TRIM41: variants seen among roughly 807,000 people sequenced by gnomAD.
TRIM41 encodes the protein tripartite motif containing 41.
A neutral mutation model predicts 60.6 loss-of-function variants in TRIM41; 21 were observed. The observed-to-expected ratio is 0.35, with a 90% confidence interval of 0.25 to 0.50. The LOEUF (loss-of-function observed/expected upper bound fraction) is 0.50, where lower values mean the gene tolerates loss of function less well. Among genes scored for constraint, TRIM41 ranks in the 20% least tolerant of loss-of-function variants. The pLI is 0.98. For missense variants in TRIM41, 846 were observed against 868.3 expected, an observed-to-expected ratio of 0.97 and a Z score of 0.32; for synonymous variants, 407 against 344.9, an observed-to-expected ratio of 1.18 and a Z score of -2.00.
rs1758418250 is a variant in TRIM41 at position 181,224,027 on chromosome 5, C to T, written c.28C>T (p.Pro10Ser). Reference sequence around the variant, plus strand: ...GGCTGCCGTTGCCATGACACCCAACCCTGTGCAGACCCTTCAGGAGGAGGC... The same window carrying T: ...GGCTGCCGTTGCCATGACACCCAACTCTGTGCAGACCCTTCAGGAGGAGGC... MAAVAMTPN[P>S]VQTLQEEAVC... Residue 10 changes from proline to serine, a missense_variant, in exon 1 of 6, where the codon CCT (proline) becomes TCT (serine). By Grantham distance (74) the Pro-to-Ser change is moderately conservative. Transcript: ENST00000315073. The T allele has an allele frequency of 1.2e-6, 2 of 1,613,972 alleles. No individual in the cohort carries two copies. Among genetic ancestry groups the T allele is most frequent in the South Asian group, 1.1e-5 (1 of 91,082 alleles).
At position 181,224,383 on chromosome 5, in the gene TRIM41, C is replaced by T. The variant is rs61758103; in HGVS notation, c.384C>T (p.Asp128=). 54,375 of 1,611,650 alleles carry T rather than the reference C, an allele frequency of 0.034. 1,062 individuals carry two copies. The highest frequency in any genetic ancestry group is 0.037 in the Non-Finnish European group (44,000 of 1,179,414). The change falls in exon 1 of 6, where the codon GAC becomes GAT. Residue 128 remains aspartate, a synonymous_variant. Transcript: ENST00000315073. ...TGGACTATGTGTGGGAGGAGGAGGACGAGGAGGAAGACCTGGACTACTACT... is the reference window on the plus strand; with the variant it reads ...TGGACTATGTGTGGGAGGAGGAGGATGAGGAGGAAGACCTGGACTACTACT... ...DNMDYVWEEE[D]EEEDLDYYLG... is the part of the protein sequence containing the mutation.
rs1758924456 is a variant in TRIM41 at position 181,233,924 on chromosome 5, C to T, written c.1291+161C>T. Reference sequence around the variant, plus strand: ...AGGTTTCAAGCCATGAGCAGGTAGACCTAGTGCAGGCAGGCCTGGAGGGTG... The same window carrying T: ...AGGTTTCAAGCCATGAGCAGGTAGATCTAGTGCAGGCAGGCCTGGAGGGTG... On this transcript the variant is annotated intron_variant, in intron 5 of 5. Coordinates refer to ENST00000315073, the MANE Select transcript of TRIM41 (RefSeq NM_033549.5). This position sits in a 1 kb window ranked among gnomAD's most constrained non-coding sequence, Gnocchi z 4.1. 3.9e-6 allele frequency: 5 copies of T among 1,288,990 alleles called. No homozygotes were observed. The highest frequency in any genetic ancestry group is 4.3e-6 in the Non-Finnish European group (4 of 923,880). 79.8% of individuals were successfully genotyped at this position (1,288,990 alleles called of 1,614,324 possible). A position where few individuals can be genotyped will look rare whatever the true frequency, so the allele number is the denominator to read the frequency against.
In TRIM41 at chr5:181,224,038, C is replaced by T. The variant is rs753378475; in HGVS notation, c.39C>T (p.Thr13=). ...AVAMTPNPVQ[T]LQEEAVCAIC... Reference sequence around the variant, plus strand: ...CCATGACACCCAACCCTGTGCAGACCCTTCAGGAGGAGGCGGTGTGCGCCA... The same window carrying T: ...CCATGACACCCAACCCTGTGCAGACTCTTCAGGAGGAGGCGGTGTGCGCCA... The change falls in exon 1 of 6, where the codon ACC becomes ACT. Residue 13 remains threonine, a synonymous_variant. Coordinates refer to ENST00000315073, the MANE Select transcript of TRIM41 (RefSeq NM_033549.5). 5.6e-6 allele frequency: 9 copies of T among 1,614,222 alleles called. No individual in the cohort carries two copies. The highest frequency in any genetic ancestry group is 5.0e-5 in the Admixed American group (3 of 60,036).
rs1758888957 is a variant in TRIM41 at position 181,233,270 on chromosome 5, C to T, written c.1141-143C>T. The stretch of plus-strand genomic sequence containing the variant: ...GGGGTGGTTGAAATGGATGTGTGTT[C>T]ATTGAGGGCCGTGAGGGTGCTGCTT... On this transcript the variant is annotated intron_variant, in intron 3 of 5. Coordinates refer to ENST00000315073, the MANE Select transcript of TRIM41 (RefSeq NM_033549.5). This position sits in a 1 kb window ranked among gnomAD's most constrained non-coding sequence, Gnocchi z 4.1. The T allele has an allele frequency of 1.1e-6, 1 of 879,456 alleles. No individual in the cohort carries two copies. The highest frequency in any genetic ancestry group is 1.7e-5 in the Admixed American group (1 of 58,630). 54.5% of individuals were successfully genotyped at this position (879,456 alleles called of 1,614,324 possible). A position where few individuals can be genotyped will look rare whatever the true frequency, so the allele number is the denominator to read the frequency against.
Position 181,233,915 on chromosome 5 carries a change from G to A in TRIM41, c.1291+152G>A. 1 of 1,345,074 alleles carries A rather than the reference G, an allele frequency of 7.4e-7. No individual in the cohort carries two copies. 83.3% of individuals were successfully genotyped at this position (1,345,074 alleles called of 1,614,324 possible). On this transcript the variant is annotated intron_variant, in intron 5 of 5. Coordinates refer to ENST00000315073, the MANE Select transcript of TRIM41 (RefSeq NM_033549.5). This position sits in a 1 kb window ranked among gnomAD's most constrained non-coding sequence, Gnocchi z 4.1. ...CTGAGGTTGAGGTTTCAAGCCATGA[G>A]CAGGTAGACCTAGTGCAGGCAGGCC...
intron 2 of TRIM41, 133 bp from the exon 3 acceptor site, chr5:181,232,526 C>G (rs1405205920): frequency 2.4e-6 from 2 of 826,074 alleles, no homozygotes; most frequent in East Asian, 2.7e-5. Context: ...GGATGAGCCT[C>G]TTTCCGGGAC....
In TRIM41 at chr5:181,224,075, T is replaced by G; in HGVS notation, c.76T>G (p.Tyr26Asp). 6.2e-7 allele frequency: 1 copy of G among 1,614,250 alleles called. No homozygotes were observed. Among genetic ancestry groups the G allele is most frequent in the Non-Finnish European group, 8.5e-7 (1 of 1,180,042 alleles). ...GGCGGTGTGCGCCATCTGCCTCGAT[T>G]ACTTCACGGACCCCGTGTCCATCGG... The part of the protein sequence containing the change: ...EEAVCAICLD[Y>D]FTDPVSIGCG... The change falls in exon 1 of 6, where the codon TAC (tyrosine) becomes GAC (aspartate). Residue 26 changes from tyrosine (Y) to aspartate (D), a missense_variant. Coordinates refer to ENST00000315073, the MANE Select transcript of TRIM41 (RefSeq NM_033549.5).
At chr5:181,230,097 G>A (rs1758724299) in intron 1 of TRIM41, 1 of 152,212 alleles carries the variant, frequency 6.6e-6, no homozygotes, top group Non-Finnish European at 1.5e-5. Context: ...GGGACCAAAG[G>A]TGAGGGCACC....
chr5:181,223,345 T>G lies in TRIM41; in HGVS notation c.-655T>G, dbSNP rs914965786. 2.5e-6 allele frequency: 1 copy of G among 399,544 alleles called. No homozygotes were observed. The highest frequency in any genetic ancestry group is 4.4e-6 in the Non-Finnish European group (1 of 226,818). The allele number at this position is 399,544 out of a possible 1,614,324, so 24.7% of individuals were successfully genotyped here. A position where few individuals can be genotyped will look rare whatever the true frequency, so the allele number is the denominator to read the frequency against. On this transcript the variant is annotated 5_prime_UTR_variant, in exon 1 of 6. Coordinates refer to ENST00000315073, the MANE Select transcript of TRIM41 (RefSeq NM_033549.5). ...GCTGTGCCGGGAGGGTAGGATGGCG[T>G]CTGGCCGATGCGGTGATAGCACCGA...
Position 181,235,375 on chromosome 5 carries a change from C to T in TRIM41, c.*600C>T, listed in dbSNP as rs781040527. The T allele has an allele frequency of 3.8e-5, 61 of 1,614,090 alleles. 2 individuals carry two copies. The South Asian group carries it at 6.4e-4, about 17-fold the overall frequency. On this transcript the variant is annotated 3_prime_UTR_variant, in exon 6 of 6. Transcript: ENST00000315073. ...ATAGACCGGCCAGAATTTAGCTTCA[C>T]TTGAGAGAGATCTGGAATGGTCGCC... is the stretch of plus-strand genomic sequence containing the variant.
Position 181,230,832 on chromosome 5 carries a change from A to G in TRIM41, c.902A>G (p.Glu301Gly). The G allele has an allele frequency of 6.2e-7, 1 of 1,612,662 alleles. No individual in the cohort carries two copies. The highest frequency in any genetic ancestry group is 8.5e-7 in the Non-Finnish European group (1 of 1,179,020). The change falls in exon 2 of 6, where the codon GAA (glutamate) becomes GGA (glycine). Residue 301 changes from glutamate (E) to glycine (G), a missense_variant. Coordinates refer to ENST00000315073, the MANE Select transcript of TRIM41 (RefSeq NM_033549.5). ...GCCAAGGAGGAGAGGCGAGTGACAG[A>G]ACTGAAGGTGGGTGAATGTTCTCGA... The part of the protein sequence containing the change: ...MKAKEERRVT[E>G]LKSQMKSELA...
chr5:181,234,235 G>T lies in TRIM41; in HGVS notation c.1353G>T (p.Arg451=), dbSNP rs1407617935. The stretch of plus-strand genomic sequence containing the variant: ...CCCTGATGCTGTCCCCTGACCGCCG[G>T]GGGGTCCGCCTGGCAGAGCGGCGGC... The part of the protein sequence containing the change: ...HPALMLSPDR[R]GVRLAERRQE... The change falls in exon 6 of 6, where the codon CGG becomes CGT. Residue 451 remains arginine (R), a synonymous_variant. Coordinates refer to ENST00000315073, the MANE Select transcript of TRIM41 (RefSeq NM_033549.5). This position sits in a 1 kb window ranked among gnomAD's most constrained non-coding sequence, Gnocchi z 5.6. 3 of 1,613,426 alleles carry T rather than the reference G, an allele frequency of 1.9e-6. No homozygotes were observed. Among genetic ancestry groups the T allele is most frequent in the South Asian group, 2.2e-5 (2 of 91,080 alleles).
In TRIM41 at chr5:181,234,817, GGGTGGGTGGT is replaced by G. The variant is rs760062239; in HGVS notation, c.*45_*54del. 2 of 1,606,620 alleles carry G rather than the reference GGGTGGGTGGT, an allele frequency of 1.2e-6. No individual in the cohort carries two copies. The highest frequency in any genetic ancestry group is 1.7e-6 in the Non-Finnish European group (2 of 1,176,136). On this transcript the variant is annotated 3_prime_UTR_variant, in exon 6 of 6. Transcript: ENST00000315073. This position sits in a 1 kb window ranked among gnomAD's most constrained non-coding sequence, Gnocchi z 5.6. ...AGGGGCCCCTCTGTCAGCACTTGGG[GGGTGGGTGGT>G]GGAGGGTGGCCCGTAAGTTTGAGGG... is the stretch of plus-strand genomic sequence containing the variant.
chr5:181,227,456 TCTC>T (rs1389762119), intron 1 of TRIM41: 5 of 152,040 alleles, frequency 3.3e-5, no homozygotes, highest in African/African-American at 9.7e-5. Flanking sequence ...TTCACGCCAT[TCTC>T]CTGCCTCAGC....
At chr5:181,226,257 A>T (rs1758549257) in intron 1 of TRIM41, 1 of 152,306 alleles carries the variant, frequency 6.6e-6, no homozygotes, top group Non-Finnish European at 1.5e-5. Flanking sequence ...GGCACTCGCC[A>T]CCACAGCTGG....
rs1758988692 is a variant in TRIM41 at position 181,234,633 on chromosome 5, A to C, written c.1751A>C (p.Asp584Ala). The C allele has an allele frequency of 6.2e-7, 1 of 1,614,248 alleles. No individual in the cohort carries two copies. The highest frequency in any genetic ancestry group is 8.5e-7 in the Non-Finnish European group (1 of 1,180,040). The change falls in exon 6 of 6, where the codon GAC (aspartate) becomes GCC (alanine). Residue 584 changes from aspartate to alanine, a missense_variant. Physicochemically the swap from Asp to Ala is moderately radical, Grantham distance 126. Coordinates refer to ENST00000315073, the MANE Select transcript of TRIM41 (RefSeq NM_033549.5). This position sits in a 1 kb window ranked among gnomAD's most constrained non-coding sequence, Gnocchi z 5.6. ...CCAAGGCGCTTTGGTGTGTACCTGGACTATGAAGCTGGGCGCCTGGGCTTC... is the reference window on the plus strand; with the variant it reads ...CCAAGGCGCTTTGGTGTGTACCTGGCCTATGAAGCTGGGCGCCTGGGCTTC... ...EKPRRFGVYL[D>A]YEAGRLGFYN... is the part of the protein sequence containing the mutation.
chr5:181,233,749 G>C lies in TRIM41; in HGVS notation c.1277G>C (p.Cys426Ser). ...AIVRKMSRMF[C>S]QAARVDLTLD... ...GTGAGGAAAATGAGCCGGATGTTCT[G>C]TCAGGCTGCGAGAGGTAGGGAGGTC... The change falls in exon 5 of 6, where the codon TGT becomes TCT. Residue 426 changes from cysteine (C) to serine (S), a missense_variant. By Grantham distance (112) the Cys-to-Ser change is moderately radical. Transcript: ENST00000315073. This position sits in a 1 kb window ranked among gnomAD's most constrained non-coding sequence, Gnocchi z 4.1. 6.2e-7 allele frequency: 1 copy of C among 1,614,188 alleles called. No individual in the cohort carries two copies. Among genetic ancestry groups the C allele is most frequent in the Non-Finnish European group, 8.5e-7 (1 of 1,180,034 alleles).
chr5:181,226,731 CT>C (rs1004392585), intron 1 of TRIM41: 6 of 152,244 alleles, frequency 3.9e-5, no homozygotes, highest in African/African-American at 1.4e-4. Context: ...TCACCTCCCC[CT>C]GTAGGACTGC....
rs536850755 is a variant in TRIM41, at chr5:181,223,795, C to G, written c.-205C>G. The stretch of plus-strand genomic sequence containing the variant: ...CGGTGGCGCCCAGCACTGTCCCCTC[C>G]CCTCGTAGAGACACGGTTGTCGTTT... On this transcript the variant is annotated 5_prime_UTR_variant, in exon 1 of 6. Coordinates refer to ENST00000315073, the MANE Select transcript of TRIM41 (RefSeq NM_033549.5). 3.5e-5 allele frequency: 22 copies of G among 622,858 alleles called. 1 individual carries two copies. In the Admixed American group the frequency reaches 4.7e-4, roughly 13 times the overall value. The allele number at this position is 622,858 out of a possible 1,614,324, so 38.6% of individuals were successfully genotyped here. A position where few individuals can be genotyped will look rare whatever the true frequency, so the allele number is the denominator to read the frequency against.
Sources: gnomAD v4.1 joint callset for allele counts on GRCh38, gnomAD v4.1.1 for gene constraint, Gnocchi (gnomAD v3.1) non-coding constraint, MANE v1.5 for transcripts, NCBI Gene and HGNC (gene_info 2026-07-23, HGNC 2026-07-21) for gene names.